The following DSCAM variants were observed in gnomAD, a reference collection of about 807,000 sequenced individuals.
DSCAM encodes cell adhesion molecule DSCAM.
A neutral mutation model predicts 217.7 loss-of-function variants in DSCAM; 47 were observed. The ratio of observed to expected loss-of-function variants is 0.22; its 90% confidence interval spans 0.17 to 0.28. DSCAM has a LOEUF of 0.28. Ranked by LOEUF, DSCAM falls within the 10% of genes least tolerant of loss-of-function variation. DSCAM has a pLI of 1.00. For synonymous variants in DSCAM, 1,056 were observed against 1,015.3 expected, an observed-to-expected ratio of 1.04 and a Z score of -0.76; for missense variants, 2,080 against 2,618.3, an observed-to-expected ratio of 0.79 and a Z score of 4.49.
intron 1 of DSCAM, among the ~76,000 whole-genome samples, chr21:40,828,831 G>C (rs1405480641): frequency 1.1e-4 from 16 of 151,914 alleles, no homozygotes; most frequent in Admixed American, 1.0e-3. Context: ...AATTTTTGTA[G>C]TTTTTTAGTA....
At chr21:40,062,764 A>G (rs2089142787) in intron 28 of DSCAM, 105 bp downstream of exon 28, 2 of 1,056,372 alleles carry the variant, frequency 1.9e-6, no homozygotes, top group Admixed American at 3.1e-5. Context: ...AAGAAAAGAC[A>G]TTATCAATTT....
At chr21:40,014,161 C>T (rs2018938) in intron 32 of DSCAM, among the ~76,000 whole-genome samples, 44,861 of 152,104 alleles carry the variant, frequency 0.29, 7,262 homozygotes, top group Middle Eastern at 0.43. Flanking sequence ...GAGGCCGAGG[C>T]GGAAGGATCA....
In DSCAM at chr21:40,609,907, ACTCAGTG is replaced by A. The variant is rs2089290562; in HGVS notation, c.508+82896_508+82902del. ...CTCAAGCTCTGGTTAGATTCTTATT[ACTCAGTG>A]CTCTTATATCAAGATGATTCTGGTG... On this transcript the variant is annotated intron_variant, in intron 3 of 32. Coordinates refer to ENST00000400454, the MANE Select transcript of DSCAM (RefSeq NM_001389.5). 3.9e-5 allele frequency among the ~76,000 whole-genome samples: 6 copies of A among 152,302 alleles called. No homozygotes were observed. The South Asian group carries it at 1.2e-3, about 32-fold the overall frequency.
intron 1 of DSCAM, among the ~76,000 whole-genome samples, chr21:40,807,382 C>T (rs1329273499): frequency 6.6e-6 from 1 of 152,140 alleles, no homozygotes; most frequent in Non-Finnish European, 1.5e-5. Flanking sequence ...AGTTCCTATG[C>T]CTGGACTTTT....
At chr21:40,255,346 G>A (rs968863189) in intron 11 of DSCAM, among the ~76,000 whole-genome samples, 4 of 152,210 alleles carry the variant, frequency 2.6e-5, no homozygotes, top group Admixed American at 2.0e-4. Context: ...CTACATGTAT[G>A]TGGCTCTTTT....
chr21:40,064,452 A>T (rs1381981337), intron 27 of DSCAM, among the ~76,000 whole-genome samples: 1 of 152,134 alleles, frequency 6.6e-6, no homozygotes, highest in Non-Finnish European at 1.5e-5. Flanking sequence ...ATGGCAATGT[A>T]CTAAGGAATT....
intron 1 of DSCAM, among the ~76,000 whole-genome samples, chr21:40,828,654 C>T (rs1403434850): frequency 8.4e-6 from 1 of 119,568 alleles, no homozygotes; most frequent in African/African-American, 3.4e-5. Context: ...GGACACCCCA[C>T]CCTCTTTTTT....
At chr21:40,098,398 G>T (rs1306587495) in intron 20 of DSCAM, among the ~76,000 whole-genome samples, 1 of 152,200 alleles carries the variant, frequency 6.6e-6, no homozygotes, top group Non-Finnish European at 1.5e-5. Flanking sequence ...GGTGGAGCTG[G>T]ATCCATTTTA....
intron 20 of DSCAM, among the ~76,000 whole-genome samples, chr21:40,122,214 C>T (rs1237587219): frequency 3.9e-5 from 6 of 152,152 alleles, no homozygotes; most frequent in African/African-American, 1.4e-4. Context: ...CAGCCTGTAT[C>T]ATCCACAAAT....
intron 1 of DSCAM, among the ~76,000 whole-genome samples, chr21:40,818,668 C>T (rs76595750): frequency 0.018 from 2,707 of 146,822 alleles, 71 homozygotes; most frequent in African/African-American, 0.064. Flanking sequence ...AGAAATCAAT[C>T]TTCAGCTTCA....
intron 3 of DSCAM, among the ~76,000 whole-genome samples, chr21:40,427,119 G>A (rs370758596): frequency 1.4e-4 from 21 of 152,206 alleles, no homozygotes; most frequent in South Asian, 4.1e-4. Flanking sequence ...TGAAGACAGC[G>A]AGCAGGGCAT....
In DSCAM at chr21:40,347,695, T is replaced by G; in HGVS notation, c.1185A>C (p.Gln395His). The G allele has an allele frequency of 6.2e-7, 1 of 1,614,076 alleles. No homozygotes were observed. The part of the protein sequence containing the change: ...CFVRKDKLSA[Q>H]DYVQVVLEDG... Reference sequence around the variant, plus strand: ...CTTCAAGGACCACCTGCACATAGTCTTGAGCGGACAGCTTGTCCTTGCGCA... The same window carrying G: ...CTTCAAGGACCACCTGCACATAGTCGTGAGCGGACAGCTTGTCCTTGCGCA... The change falls in exon 6 of 33, where the codon CAA (glutamine) becomes CAC (histidine). Residue 395 changes from glutamine (Q) to histidine (H), a missense_variant. This residue lies in a region of DSCAM where 568 missense variants were observed against 678.1 expected (regional missense o/e 0.84). Coordinates refer to ENST00000400454, the MANE Select transcript of DSCAM (RefSeq NM_001389.5).
chr21:40,654,384 T>C (rs758736574), intron 3 of DSCAM, among the ~76,000 whole-genome samples: 1 of 152,200 alleles, frequency 6.6e-6, no homozygotes, highest in African/African-American at 2.4e-5. Context: ...ACCTCTTTGA[T>C]GTCAGCACAT....
chr21:40,459,477 G>C (rs2075789149), intron 3 of DSCAM, among the ~76,000 whole-genome samples: 1 of 152,126 alleles, frequency 6.6e-6, no homozygotes, highest in South Asian at 2.1e-4. Context: ...AAAGTAAAAA[G>C]TAAATAGGTT....
At chr21:40,778,220 A>G (rs776768719) in intron 1 of DSCAM, among the ~76,000 whole-genome samples, 3 of 152,242 alleles carry the variant, frequency 2.0e-5, no homozygotes, top group Non-Finnish European at 4.4e-5. Flanking sequence ...AAATGAAATT[A>G]TAAAACAGTA....
chr21:40,249,212 GCT>G lies in DSCAM; in HGVS notation c.2356+26883_2356+26884del, dbSNP rs1192641070. Among the ~76,000 whole-genome samples, 14 of 152,276 alleles carry G rather than the reference GCT, an allele frequency of 9.2e-5. No individual in the cohort carries two copies. The South Asian group carries it at 2.7e-3, about 29-fold the overall frequency. On this transcript the variant is annotated intron_variant, in intron 11 of 32. Coordinates refer to ENST00000400454, the MANE Select transcript of DSCAM (RefSeq NM_001389.5). Reference sequence around the variant, plus strand: ...GTTGGATATTAGCTGATATGGTTTGGCTCTGTGTTCCCACCCAAATCTCATCT... The same window carrying G: ...GTTGGATATTAGCTGATATGGTTTGGCTGTGTTCCCACCCAAATCTCATCT...
chr21:40,327,426 T>C (rs1425817742), intron 8 of DSCAM, among the ~76,000 whole-genome samples: 1 of 152,214 alleles, frequency 6.6e-6, no homozygotes, highest in Non-Finnish European at 1.5e-5. Context: ...ATTGGTTTAT[T>C]ACTTCTAATC....
At chr21:40,350,414 T>C (rs2074616735) in intron 5 of DSCAM, among the ~76,000 whole-genome samples, 1 of 151,912 alleles carries the variant, frequency 6.6e-6, no homozygotes, top group South Asian at 2.1e-4. Flanking sequence ...ATATCCAGAG[T>C]CTACAAGGAA....
chr21:40,656,944 G>C (rs2090083176), intron 3 of DSCAM, among the ~76,000 whole-genome samples: 2 of 152,202 alleles, frequency 1.3e-5, no homozygotes, highest in Admixed American at 1.3e-4. Flanking sequence ...TGTGCATGAA[G>C]CATTGTTCCA....
Sources: gnomAD v4.1 joint callset for allele counts (sites outside exome capture counted in the v4.1 genomes callset) on GRCh38, gnomAD v4.1.1 for gene constraint, gnomAD v4.1.1 regional missense constraint, MANE v1.5 for transcripts, NCBI Gene and HGNC (gene_info 2026-07-23, HGNC 2026-07-21) for gene names.